MYBL2: variants seen among roughly 807,000 people sequenced by gnomAD.
MYBL2 encodes MYB proto-oncogene like 2.
MYBL2 carries 28 observed loss-of-function variants against 79.9 expected under a neutral mutation model. The ratio of observed to expected loss-of-function variants is 0.35; its 90% CI spans 0.26 to 0.48. The LOEUF (loss-of-function observed/expected upper bound fraction) is 0.48. Among genes scored for constraint, MYBL2 ranks in the 20% least tolerant of loss-of-function variants. The pLI is 0.99. For synonymous variants in MYBL2, 378 were observed against 361.2 expected, an observed-to-expected ratio of 1.05 and a Z score of -0.53; for missense variants, 735 against 893.9, an observed-to-expected ratio of 0.82 and a Z score of 2.27.
At chr20:43,680,337 C>T (rs1294241937) in intron 2 of MYBL2, among the ~76,000 whole-genome samples, 1 of 152,164 alleles carries the variant, frequency 6.6e-6, no homozygotes, top group Non-Finnish European at 1.5e-5. Flanking sequence ...CTGATTTTGA[C>T]TATTTTAGAT....
intron 1 of MYBL2, 109 bp from the exon 2 acceptor site, chr20:43,673,697 C>G (rs780842174): frequency 1.1e-5 from 11 of 997,254 alleles, no homozygotes; most frequent in Non-Finnish European, 1.5e-5. Flanking sequence ...GTAAGAGCCT[C>G]TCTCCCCCAG....
chr20:43,692,453 C>A, intron 6 of MYBL2, 134 bp downstream of exon 6: 1 of 1,066,746 alleles, frequency 9.4e-7, no homozygotes, highest in Non-Finnish European at 1.3e-6. Flanking sequence ...CTTCTGGGGC[C>A]TTGTGAGACT....
At chr20:43,712,930 A>G (rs1007611140) in intron 11 of MYBL2, 72 bp from the exon 12 acceptor site, 37 of 1,234,540 alleles carry the variant, frequency 3.0e-5, no homozygotes, top group Non-Finnish European at 4.1e-5. Context: ...ATCCATGGCC[A>G]TGACCATCCA....
At chr20:43,703,418 G>T (rs940127376) in intron 8 of MYBL2, among the ~76,000 whole-genome samples, 2 of 152,220 alleles carry the variant, frequency 1.3e-5, no homozygotes, top group Non-Finnish European at 2.9e-5. Flanking sequence ...ACTGTTCTGG[G>T]TGTTGCCCCT....
intron 1 of MYBL2, 73 bp downstream of exon 1, chr20:43,667,376 G>A: frequency 1.1e-6 from 1 of 897,654 alleles, no homozygotes; most frequent in Non-Finnish European, 1.4e-6. Flanking sequence ...AGATACCCCC[G>A]ACCCTCCCCA....
chr20:43,715,346 G>A, intron 13 of MYBL2, 63 bp downstream of exon 13: 7 of 1,602,106 alleles, frequency 4.4e-6, no homozygotes, highest in South Asian at 1.1e-5. Flanking sequence ...AGGGCTGAGT[G>A]CTGGCCATCC....
rs141819086 is a variant in MYBL2, at chr20:43,684,423, G to A, written c.279+1537G>A. Among the ~76,000 whole-genome samples the A allele has an allele frequency of 7.3e-3, 1,104 of 151,732 alleles. 22 individuals carry two copies. The highest frequency in any genetic ancestry group is 0.025 in the African/African-American group (1,027 of 41,370). On this transcript the variant is annotated intron_variant, in intron 4 of 13. Coordinates refer to ENST00000217026, the MANE Select transcript of MYBL2 (RefSeq NM_002466.4). ...GGCTAATTTTTGTATTTTTAGTAGAGACAGGGTTTCACCATGTTGGCCTGA... is the reference window on the plus strand; with the variant it reads ...GGCTAATTTTTGTATTTTTAGTAGAAACAGGGTTTCACCATGTTGGCCTGA...
At chr20:43,702,319 A>G (rs973154013) in intron 7 of MYBL2, among the ~76,000 whole-genome samples, 171 bp from the exon 8 acceptor site, 5 of 152,160 alleles carry the variant, frequency 3.3e-5, no homozygotes, top group Admixed American at 1.3e-4. Context: ...AGAAGAATCT[A>G]TGAAAATATA....
At chr20:43,679,260 G>A (rs568879251) in intron 2 of MYBL2, among the ~76,000 whole-genome samples, 156 of 152,262 alleles carry the variant, frequency 1.0e-3, no homozygotes, top group African/African-American at 3.7e-3. Context: ...GATACCTGTC[G>A]TGGGCCACGT....
intron 9 of MYBL2, among the ~76,000 whole-genome samples, chr20:43,708,703 G>A (rs193186408): frequency 6.2e-4 from 94 of 152,300 alleles, no homozygotes; most frequent in African/African-American, 2.2e-3. Flanking sequence ...CAGAGTGTTA[G>A]GATTACAGGC....
At chr20:43,691,818 T>A (rs1293282187) in intron 5 of MYBL2, among the ~76,000 whole-genome samples, 1 of 151,704 alleles carries the variant, frequency 6.6e-6, no homozygotes, top group Non-Finnish European at 1.5e-5. Context: ...GGATCACAGG[T>A]GTGGTGAGCC....
chr20:43,715,164 C>T lies in MYBL2; in HGVS notation c.1855C>T (p.Leu619Phe), dbSNP rs115859701. ...PTTAPSNSSS[L>F]TLSGIKEDNS... ...AACTGCCCCTTCAAACTCTTCCAGC[C>T]TCACCCTGTCAGGTATCAAAGAAGA... The change falls in exon 13 of 14, where the codon CTC becomes TTC. Residue 619 changes from leucine to phenylalanine, a missense_variant. Around this residue, in one of 5 missense-constraint regions of MYBL2, gnomAD observed 204 missense variants for 202.9 expected, o/e 1.01. Transcript: ENST00000217026. 1.4e-4 allele frequency: 229 copies of T among 1,614,236 alleles called. 1 individual carries two copies. The African/African-American group carries it at 2.7e-3, about 19-fold the overall frequency.
intron 2 of MYBL2, among the ~76,000 whole-genome samples, chr20:43,678,993 G>A (rs887056359): frequency 6.6e-6 from 1 of 152,030 alleles, no homozygotes; most frequent in African/African-American, 2.4e-5. Context: ...GGATGGAGCT[G>A]ACCACGTTGG....
intron 8 of MYBL2, among the ~76,000 whole-genome samples, chr20:43,704,031 G>C (rs1181223405): frequency 1.3e-5 from 2 of 152,088 alleles, no homozygotes; most frequent in African/African-American, 4.8e-5. Context: ...TTTGAGAGTC[G>C]CTCTGTTGCC....
At chr20:43,703,542 G>A (rs1987717805) in intron 8 of MYBL2, among the ~76,000 whole-genome samples, 1 of 152,180 alleles carries the variant, frequency 6.6e-6, no homozygotes, top group African/African-American at 2.4e-5. Context: ...TGTCTGGGCT[G>A]GGTCTCCTTG....
chr20:43,669,491 A>G (rs1986809812), intron 1 of MYBL2, among the ~76,000 whole-genome samples: 1 of 152,002 alleles, frequency 6.6e-6, no homozygotes, highest in Admixed American at 6.6e-5. Context: ...CTAGTGCCCC[A>G]CTTCCCGCTT....
chr20:43,705,718 T>TTTA (rs1987766163), intron 9 of MYBL2, among the ~76,000 whole-genome samples: 1 of 136,994 alleles, frequency 7.3e-6, no homozygotes, highest in Admixed American at 7.1e-5. Flanking sequence ...TTATTTATTT[T>TTTA]GAGATGGAGT....
intron 9 of MYBL2, 95 bp downstream of exon 9, chr20:43,705,453 G>A (rs766958467): frequency 2.7e-5 from 37 of 1,390,790 alleles, no homozygotes; most frequent in African/African-American, 2.4e-4. Flanking sequence ...TGGGGAGGGG[G>A]CACCCTTGGA....
At chr20:43,693,067 C>T (rs1305942807) in intron 6 of MYBL2, among the ~76,000 whole-genome samples, 1 of 152,142 alleles carries the variant, frequency 6.6e-6, no homozygotes, top group African/African-American at 2.4e-5. Context: ...GAGTTTTGCT[C>T]TGATGCCCAG....
Sources: allele counts gnomAD v4.1 joint callset (sites outside exome capture counted in the v4.1 genomes callset), GRCh38; gene constraint gnomAD v4.1.1; regional missense constraint gnomAD v4.1.1; transcripts MANE v1.5; gene names NCBI Gene and HGNC (gene_info 2026-07-23, HGNC 2026-07-21).